The following TMX3 variants were observed in gnomAD, a reference collection of about 807,000 sequenced individuals.
The protein encoded by TMX3 is protein disulfide-isomerase TMX3.
A neutral mutation model predicts 64.4 loss-of-function variants in TMX3; 40 were observed. The ratio of observed to expected loss-of-function variants is 0.62; its 90% CI spans 0.48 to 0.81. The LOEUF (loss-of-function observed/expected upper bound fraction) is 0.81, where lower values mean the gene tolerates loss of function less well. Ranked by LOEUF, TMX3 falls within the 30% of genes least tolerant of loss-of-function variation. The pLI is 0.00. For synonymous variants in TMX3, 189 were observed against 175.7 expected, an observed-to-expected ratio of 1.08 and a Z score of -0.60; for missense variants, 497 against 534.5, an observed-to-expected ratio of 0.93 and a Z score of 0.69.
chr18:68,700,826 A>C (rs1414816230), intron 5 of TMX3: 1 of 984,780 alleles, frequency 1.0e-6, no homozygotes, highest in Non-Finnish European at 1.2e-6. Flanking sequence ...TCCCTGTCAA[A>C]AGGTAAATGA....
chr18:68,684,336 G>A, intron 11 of TMX3, 92 bp downstream of exon 11: 1 of 1,493,854 alleles, frequency 6.7e-7, no homozygotes, highest in Non-Finnish European at 9.3e-7. Flanking sequence ...TCTAATTGCT[G>A]CAGGAAAAGT....
intron 8 of TMX3, among the ~76,000 whole-genome samples, chr18:68,694,428 T>TAAG (rs1443497420): frequency 6.6e-6 from 1 of 152,198 alleles, no homozygotes; most frequent in East Asian, 1.9e-4. Context: ...TGCCTGGAGC[T>TAAG]GCCTTCCCCG....
At position 68,714,956 on chromosome 18, in the gene TMX3, G is replaced by A. The variant is rs1271492424; in HGVS notation, c.26C>T (p.Ala9Val). Residue 9 changes from alanine (A) to valine (V), a missense_variant, in exon 1 of 16, where the codon GCC (alanine) becomes GTC (valine). Physicochemically the swap from Ala to Val is moderately conservative, Grantham distance 64. Transcript: ENST00000299608. ...ATTACCTGTGGCGCAGAGCCGCAGG[G>A]CCGTCCAACTCTTCCACGCTGCCAT... MAAWKSWT[A>V]LRLCATVVVL... 1 of 1,572,512 alleles carries A rather than the reference G, an allele frequency of 6.4e-7. No homozygotes were observed. Among genetic ancestry groups the A allele is most frequent in the South Asian group, 1.2e-5 (1 of 85,478 alleles).
chr18:68,685,913 T>C (rs1311894380), intron 10 of TMX3, among the ~76,000 whole-genome samples: 2 of 152,206 alleles, frequency 1.3e-5, no homozygotes, highest in South Asian at 2.1e-4. Flanking sequence ...GAAAAAAGTA[T>C]GTAAAAACGT....
intron 8 of TMX3, among the ~76,000 whole-genome samples, chr18:68,693,495 T>C (rs1599315648): frequency 6.6e-6 from 1 of 151,218 alleles, no homozygotes; most frequent in Non-Finnish European, 1.5e-5. Context: ...TCCCTGCTCC[T>C]GGCGCCTGCT....
At chr18:68,713,978 G>T in intron 1 of TMX3, 78 bp from the exon 2 acceptor site, 2 of 1,059,330 alleles carry the variant, frequency 1.9e-6, no homozygotes, top group Non-Finnish European at 2.7e-6. Flanking sequence ...CATCTCTGAA[G>T]TGTTTTTGAC....
At position 68,687,383 on chromosome 18, in the gene TMX3, T is replaced by G. The variant is rs141794339; in HGVS notation, c.736+284A>C. On this transcript the variant is annotated intron_variant, in intron 10 of 15. Transcript: ENST00000299608. ...TTACAAAATCAGTTCTGAGTACAGC[T>G]TCTTAGTTGGTTATTTTTCTCACTC... 7,603 of 985,396 alleles carry G rather than the reference T, an allele frequency of 7.7e-3. 29 individuals carry two copies. The highest frequency in any genetic ancestry group is 8.5e-3 in the Non-Finnish European group (7,020 of 829,894). 61.0% of individuals were successfully genotyped at this position (985,396 alleles called of 1,614,324 possible).
intron 4 of TMX3, among the ~76,000 whole-genome samples, chr18:68,704,271 A>G (rs1414838326): frequency 6.6e-6 from 1 of 152,248 alleles, no homozygotes; most frequent in Non-Finnish European, 1.5e-5. Context: ...AATGTGCAGA[A>G]TATTTTATAA....
chr18:68,680,649 T>C (rs1913328353), intron 14 of TMX3, among the ~76,000 whole-genome samples: 1 of 152,090 alleles, frequency 6.6e-6, no homozygotes, highest in South Asian at 2.1e-4. Flanking sequence ...ACTATTAAGA[T>C]TACCCCACAC....
chr18:68,690,289 C>A (rs779159109), intron 9 of TMX3, among the ~76,000 whole-genome samples: 1 of 152,070 alleles, frequency 6.6e-6, no homozygotes, highest in Non-Finnish European at 1.5e-5. Context: ...AGGAGCCCAC[C>A]GAGCACTGAA....
intron 9 of TMX3, among the ~76,000 whole-genome samples, chr18:68,690,834 G>C (rs1281489952): frequency 6.6e-6 from 1 of 152,154 alleles, no homozygotes; most frequent in African/African-American, 2.4e-5. Flanking sequence ...AACAGACCAA[G>C]CATTATGCGT....
Position 68,715,085 on chromosome 18 carries a change from C to G in TMX3, c.-104G>C. The stretch of plus-strand genomic sequence containing the variant: ...AAAGGGAAACGGAGCCGACCCGGAG[C>G]GGAAGAGAAGCACCGCGCTAACTAC... On this transcript the variant is annotated 5_prime_UTR_variant, in exon 1 of 16. Transcript: ENST00000299608. 6.5e-7 allele frequency: 1 copy of G among 1,535,554 alleles called. No individual in the cohort carries two copies. The highest frequency in any genetic ancestry group is 1.2e-5 in the South Asian group (1 of 82,504).
Position 68,710,148 on chromosome 18 carries a change from G to T in TMX3, c.142-4C>A, listed in dbSNP as rs2031128096. The T allele has an allele frequency of 6.6e-7, 1 of 1,517,074 alleles. No homozygotes were observed. Among genetic ancestry groups the T allele is most frequent in the Admixed American group, 2.3e-5 (1 of 42,806 alleles). 94.0% of individuals were successfully genotyped at this position (1,517,074 alleles called of 1,614,324 possible). A position where few individuals can be genotyped will look rare whatever the true frequency, so the allele number is the denominator to read the frequency against. On this transcript the variant is annotated splice_region_variant and splice_polypyrimidine_tract_variant and intron_variant, in intron 3 of 15. Coordinates refer to ENST00000299608, the MANE Select transcript of TMX3 (RefSeq NM_019022.5). ...GGCCACACCATGGCGCATAAAACTTGTTTTAAAAAAACAAACAACAAACAA... is the reference window on the plus strand; with the variant it reads ...GGCCACACCATGGCGCATAAAACTTTTTTTAAAAAAACAAACAACAAACAA...
rs1912782319 is a variant in TMX3 at position 68,674,641 on chromosome 18, A to G, written c.*2292T>C. 1 of 152,142 alleles carries G rather than the reference A, an allele frequency of 6.6e-6. No individual in the cohort carries two copies. Among genetic ancestry groups the G allele is most frequent in the South Asian group, 2.1e-4 (1 of 4,832 alleles). 9.4% of individuals were successfully genotyped at this position (152,142 alleles called of 1,614,324 possible). ...AAACTAACATTCATAGTAATCTCTG[A>G]TATCACATTGAAGGGAACAGCATAC... On this transcript the variant is annotated 3_prime_UTR_variant, in exon 16 of 16. Coordinates refer to ENST00000299608, the MANE Select transcript of TMX3 (RefSeq NM_019022.5).
intron 15 of TMX3, among the ~76,000 whole-genome samples, chr18:68,678,212 A>G (rs1913105009): frequency 6.6e-6 from 1 of 152,120 alleles, no homozygotes; most frequent in Non-Finnish European, 1.5e-5. Context: ...TGCAAGGAAA[A>G]AAACAAAGAG....
intron 9 of TMX3, chr18:68,690,077 C>G (rs550015406): frequency 6.6e-6 from 1 of 152,258 alleles, no homozygotes; most frequent in African/African-American, 2.4e-5. Flanking sequence ...TAAAATGCTA[C>G]TTATAATAAA....
chr18:68,676,955 A>G lies in TMX3; in HGVS notation c.1343T>C (p.Val448Ala). Reference protein sequence around the residue: ...VVPTVQEPKDVLEKKKD With the variant: ...VVPTVQEPKDALEKKKD ...GTCTCAATCTTTCTTCTTTTCTAATACATCCTTGGGCTCCTGCACTGTAGG... is the reference window on the plus strand; with the variant it reads ...GTCTCAATCTTTCTTCTTTTCTAATGCATCCTTGGGCTCCTGCACTGTAGG... Residue 448 changes from valine (V) to alanine (A), a missense_variant, in exon 16 of 16, where the codon GTA (valine) becomes GCA (alanine). By Grantham distance (64) the Val-to-Ala change is moderately conservative. Transcript: ENST00000299608. 1 of 1,612,570 alleles carries G rather than the reference A, an allele frequency of 6.2e-7. No individual in the cohort carries two copies. Among genetic ancestry groups the G allele is most frequent in the Non-Finnish European group, 8.5e-7 (1 of 1,179,512 alleles).
chr18:68,714,587 C>G, intron 1 of TMX3: 1 of 380,586 alleles, frequency 2.6e-6, no homozygotes, highest in Non-Finnish European at 4.8e-6. Context: ...AACCTAAAGC[C>G]AAGGCAAGAT....
chr18:68,691,287 G>T lies in TMX3; in HGVS notation c.637+8C>A, dbSNP rs1300688203. On this transcript the variant is annotated splice_region_variant and intron_variant, in intron 9 of 15. Coordinates refer to ENST00000299608, the MANE Select transcript of TMX3 (RefSeq NM_019022.5). ...ATGTTTTACATGAGTTAAAGATTTG[G>T]AACTTACCATCATAAACAAAGTAAG... 6.4e-7 allele frequency: 1 copy of T among 1,568,266 alleles called. No homozygotes were observed. The highest frequency in any genetic ancestry group is 8.7e-7 in the Non-Finnish European group (1 of 1,149,990).
Sources: allele counts gnomAD v4.1 joint callset (sites outside exome capture counted in the v4.1 genomes callset), GRCh38; gene constraint gnomAD v4.1.1; transcripts MANE v1.5; gene names NCBI Gene and HGNC (gene_info 2026-07-23, HGNC 2026-07-21).